Variants in CACNA1B observed in about 807,000 individuals in gnomAD.
CACNA1B encodes the protein calcium voltage-gated channel subunit alpha1 B.
Under a neutral mutation model 247.2 loss-of-function variants are expected in CACNA1B, and 70 were observed. The ratio of observed to expected loss-of-function variants is 0.28; its 90% CI spans 0.23 to 0.35. The LOEUF (loss-of-function observed/expected upper bound fraction) is 0.35. Among genes scored for constraint, CACNA1B ranks in the 10% least tolerant of loss-of-function variants. The probability of loss-of-function intolerance (pLI) is 1.00; values close to 1 mark genes in which losing one functional copy is unlikely to be tolerated. For synonymous variants in CACNA1B, 1,231 were observed against 1,294.4 expected, an observed-to-expected ratio of 0.95 and a Z score of 1.05; for missense variants, 2,367 against 3,197.4, an observed-to-expected ratio of 0.74 and a Z score of 6.26.
intron 42 of CACNA1B, among the ~76,000 whole-genome samples, chr9:138,117,429 C>T (rs1379071327): frequency 1.3e-5 from 2 of 152,170 alleles, no homozygotes; most frequent in Non-Finnish European, 2.9e-5. Context: ...GCTTTGCCCT[C>T]ATCTGTCCCA....
At position 138,068,822 on chromosome 9, in the gene CACNA1B, G is replaced by A. The variant is rs536660657; in HGVS notation, c.4669-936G>A. 3.3e-5 allele frequency among the ~76,000 whole-genome samples: 5 copies of A among 152,290 alleles called. No individual in the cohort carries two copies. The South Asian group carries it at 1.0e-3, about 32-fold the overall frequency. On this transcript the variant is annotated intron_variant, in intron 31 of 46. Transcript: ENST00000371372. ...CCCCAGTGCCCAGCCGGGCTCTAGG[G>A]AAACCTCCCCACACCCCAAAGAGGC...
At chr9:138,049,178 GACGT>G (rs774957318) in intron 23 of CACNA1B, 27 bp from the exon 24 acceptor site, 43 of 1,387,398 alleles carry the variant, frequency 3.1e-5, no homozygotes, top group Non-Finnish European at 4.4e-5. Flanking sequence ...TCTGGACTAT[GACGT>G]ATCTAACGTG....
intron 37 of CACNA1B, among the ~76,000 whole-genome samples, chr9:138,098,240 C>T (rs2131344385): frequency 6.6e-6 from 1 of 152,344 alleles, no homozygotes; most frequent in Admixed American, 6.5e-5. Flanking sequence ...CTGGGAGGGA[C>T]AGGCTCAGGC....
At chr9:138,101,045 C>T (rs1168386817) in intron 37 of CACNA1B, 5 of 463,530 alleles carry the variant, frequency 1.1e-5, no homozygotes, top group South Asian at 3.1e-5. Flanking sequence ...GCTGGGCGGG[C>T]GGGAGGGTCG....
Position 138,031,487 on chromosome 9 carries a change from T to C in CACNA1B, c.3286+6315T>C, listed in dbSNP as rs570360508. On this transcript the variant is annotated intron_variant, in intron 20 of 46. Transcript: ENST00000371372. ...TGAAGGGAACATGCATTCTGTGTTGTTGATGTGCATTCCTATAAGCATTGT... is the reference window on the plus strand; with the variant it reads ...TGAAGGGAACATGCATTCTGTGTTGCTGATGTGCATTCCTATAAGCATTGT... 5.3e-5 allele frequency among the ~76,000 whole-genome samples: 8 copies of C among 152,326 alleles called. No individual in the cohort carries two copies. In the East Asian group the frequency reaches 7.7e-4, roughly 15 times the overall value.
chr9:138,037,278 A>T (rs868591654), intron 20 of CACNA1B, among the ~76,000 whole-genome samples: 2 of 152,182 alleles, frequency 1.3e-5, no homozygotes, highest in African/African-American at 4.8e-5. Context: ...GCATTTTAGG[A>T]TGCCTAGCAG....
At position 137,986,501 on chromosome 9, in the gene CACNA1B, A is replaced by C. The variant is rs1958363687; in HGVS notation, c.1858A>C (p.Ile620Leu). The C allele has an allele frequency of 6.2e-7, 1 of 1,613,702 alleles. No individual in the cohort carries two copies. Among genetic ancestry groups the C allele is most frequent in the African/African-American group, 1.3e-5 (1 of 74,878 alleles). ...CCTGCTCTTCTTGCTCTTCCTGTTCATTGTGGTCTTCGCCCTGCTGGGGAT... is the reference window on the plus strand; with the variant it reads ...CCTGCTCTTCTTGCTCTTCCTGTTCCTTGTGGTCTTCGCCCTGCTGGGGAT... ...ISLLFLLFLF[I>L]VVFALLGMQL... The change falls in exon 14 of 47, where the codon ATT (isoleucine) becomes CTT (leucine). Residue 620 changes from isoleucine to leucine, a missense_variant. By Grantham distance (5) the Ile-to-Leu change is conservative. Coordinates refer to ENST00000371372, the MANE Select transcript of CACNA1B (RefSeq NM_000718.4). This position sits in a 1 kb window ranked among gnomAD's most constrained non-coding sequence, Gnocchi z 6.0.
intron 3 of CACNA1B, among the ~76,000 whole-genome samples, chr9:137,884,780 AGAG>A (rs1372809744): frequency 6.6e-6 from 1 of 151,916 alleles, no homozygotes; most frequent in Non-Finnish European, 1.5e-5. Flanking sequence ...GAGGGCCAGG[AGAG>A]GAGGCAGGAG....
rs956941835 is a variant in CACNA1B, at chr9:137,990,335, A to G, written c.1974+3481A>G. Among the ~76,000 whole-genome samples, 1 of 151,910 alleles carries G rather than the reference A, an allele frequency of 6.6e-6. No individual in the cohort carries two copies. Among genetic ancestry groups the G allele is most frequent in the African/African-American group, 2.4e-5 (1 of 41,362 alleles). On this transcript the variant is annotated intron_variant, in intron 15 of 46. Coordinates refer to ENST00000371372, the MANE Select transcript of CACNA1B (RefSeq NM_000718.4). This position sits in a 1 kb window ranked among gnomAD's most constrained non-coding sequence, Gnocchi z 4.5. ...AGCAGAGTCTGAGCTCAGACACCCT[A>G]TTCCTGCCCCCACCTGGTGGTCTTT...
chr9:138,021,795 A>G (rs1958848251), intron 18 of CACNA1B, among the ~76,000 whole-genome samples: 1 of 152,196 alleles, frequency 6.6e-6, no homozygotes, highest in Non-Finnish European at 1.5e-5. Flanking sequence ...GACTGGATGA[A>G]GTGGGCACTG....
intron 16 of CACNA1B, among the ~76,000 whole-genome samples, chr9:138,009,181 C>T (rs7047822): frequency 0.28 from 41,909 of 152,170 alleles, 8,049 homozygotes; most frequent in African/African-American, 0.54. Flanking sequence ...ACACCCCAGG[C>T]GGTGCCTGTG....
In CACNA1B at chr9:138,011,114, T is replaced by C. The variant is rs1958718875; in HGVS notation, c.2160+1037T>C. 6.6e-6 allele frequency among the ~76,000 whole-genome samples: 1 copy of C among 152,208 alleles called. No individual in the cohort carries two copies. The highest frequency in any genetic ancestry group is 1.5e-5 in the Non-Finnish European group (1 of 68,036). ...ATGCCTAGGGGCCCGGATTCCTCCC[T>C]GGCGCTCTGGTTTCTGGCTTCTCTC... On this transcript the variant is annotated intron_variant, in intron 17 of 46. Coordinates refer to ENST00000371372, the MANE Select transcript of CACNA1B (RefSeq NM_000718.4). This position sits in a 1 kb window ranked among gnomAD's most constrained non-coding sequence, Gnocchi z 4.2.
rs755835941 is a variant in CACNA1B at position 137,956,788 on chromosome 9, G to C, written c.1204G>C (p.Glu402Gln). ...CCTCGCAGAGGAAGTCATGCTGGCC[G>C]AGGAGGACAGGAATGCAGAGGAGAA... ...IFKAEEVMLA[E>Q]EDRNAEEKSP... The change falls in exon 9 of 47, where the codon GAG (glutamate) becomes CAG (glutamine). Residue 402 changes from glutamate (E) to glutamine (Q), a missense_variant. This residue lies in a region of CACNA1B where 219 missense variants were observed against 297.6 expected (regional missense o/e 0.74). Coordinates refer to ENST00000371372, the MANE Select transcript of CACNA1B (RefSeq NM_000718.4). The C allele has an allele frequency of 6.2e-7, 1 of 1,613,764 alleles. No homozygotes were observed. Among genetic ancestry groups the C allele is most frequent in the Admixed American group, 1.7e-5 (1 of 60,014 alleles).
chr9:137,954,614 C>G lies in CACNA1B; in HGVS notation c.1071-1084C>G, dbSNP rs141552606. 6.6e-6 allele frequency among the ~76,000 whole-genome samples: 1 copy of G among 152,300 alleles called. No homozygotes were observed. Among genetic ancestry groups the G allele is most frequent in the Non-Finnish European group, 1.5e-5 (1 of 68,012 alleles). ...TCAGGGCATGGCCACAGGGATTGGT[C>G]TGGGTGGGGAGGCCACAGTGGACCC... On this transcript the variant is annotated intron_variant, in intron 7 of 46. Transcript: ENST00000371372. The surrounding 1 kb of genome is among the most constrained non-coding windows in gnomAD (Gnocchi z 4.1).
In CACNA1B at chr9:138,014,307, C is replaced by T. The variant is rs1958763779; in HGVS notation, c.2267+1072C>T. On this transcript the variant is annotated intron_variant, in intron 18 of 46. Transcript: ENST00000371372. This position sits in a 1 kb window ranked among gnomAD's most constrained non-coding sequence, Gnocchi z 6.2. Reference sequence around the variant, plus strand: ...TGTGCACCCCCATACCAGCCCTGATCCTGCCTGGAGGGCACCAGGAAGATG... The same window carrying T: ...TGTGCACCCCCATACCAGCCCTGATTCTGCCTGGAGGGCACCAGGAAGATG... 6.6e-6 allele frequency among the ~76,000 whole-genome samples: 1 copy of T among 152,104 alleles called. No individual in the cohort carries two copies. Among genetic ancestry groups the T allele is most frequent in the Non-Finnish European group, 1.5e-5 (1 of 68,016 alleles).
At chr9:137,983,219 C>G (rs1347306720) in intron 12 of CACNA1B, among the ~76,000 whole-genome samples, 1 of 152,150 alleles carries the variant, frequency 6.6e-6, no homozygotes, top group African/African-American at 2.4e-5. Context: ...TTCTCCACAC[C>G]AGTTGCAGAA....
chr9:138,087,531 A>G lies in CACNA1B; in HGVS notation c.5095-8953A>G, dbSNP rs1029470211. On this transcript the variant is annotated intron_variant, in intron 36 of 46. Transcript: ENST00000371372. The stretch of plus-strand genomic sequence containing the variant: ...AGAGATCGACACCATCCTGGCCAAC[A>G]TGGTGAAACCCCGTCTCTACTAAAA... Among the ~76,000 whole-genome samples the G allele has an allele frequency of 7.9e-5, 12 of 151,104 alleles. 1 individual carries two copies. The highest frequency in any genetic ancestry group is 2.9e-4 in the African/African-American group (12 of 41,052).
rs535072352 is a variant in CACNA1B at position 137,935,224 on chromosome 9, A to G, written c.967-17050A>G. Among the ~76,000 whole-genome samples the G allele has an allele frequency of 9.2e-5, 14 of 152,160 alleles. No homozygotes were observed. In the East Asian group the frequency reaches 2.1e-3, roughly 23 times the overall value. ...CTCGTTAACTCATCATTTACATTAC[A>G]TATTTCTCCTAATGCTATGCCTCCC... is the stretch of plus-strand genomic sequence containing the variant. On this transcript the variant is annotated intron_variant, in intron 6 of 46. Coordinates refer to ENST00000371372, the MANE Select transcript of CACNA1B (RefSeq NM_000718.4).
In CACNA1B at chr9:138,077,370, G is replaced by C. The variant is rs568220590; in HGVS notation, c.4950-744G>C. ...GGCAGGGTGCTCTTGAGGTGTTCAAGGACCAGCAGAGGCCAGGGTGCTTGG... is the reference window on the plus strand; with the variant it reads ...GGCAGGGTGCTCTTGAGGTGTTCAACGACCAGCAGAGGCCAGGGTGCTTGG... On this transcript the variant is annotated intron_variant, in intron 35 of 46. Transcript: ENST00000371372. Among the ~76,000 whole-genome samples, 5 of 152,356 alleles carry C rather than the reference G, an allele frequency of 3.3e-5. No homozygotes were observed. The South Asian group carries it at 8.3e-4, about 25-fold the overall frequency.
Sources: allele counts gnomAD v4.1 joint callset (sites outside exome capture counted in the v4.1 genomes callset), GRCh38; gene constraint gnomAD v4.1.1; regional missense constraint gnomAD v4.1.1; non-coding constraint Gnocchi (gnomAD v3.1); transcripts MANE v1.5; gene names NCBI Gene and HGNC (gene_info 2026-07-23, HGNC 2026-07-21).